Variants in SCAP observed in about 807,000 individuals in gnomAD.
SCAP encodes the protein sterol regulatory element-binding protein cleavage-activating protein.
A neutral mutation model predicts 123.6 loss-of-function variants in SCAP; 65 were observed. The observed-to-expected ratio is 0.53, with a 90% CI of 0.43 to 0.65. SCAP has a LOEUF of 0.65. Among genes scored for constraint, SCAP ranks in the 30% least tolerant of loss-of-function variants. The pLI is 0.00. For synonymous variants in SCAP, 740 were observed against 726.3 expected (o/e 1.02, Z -0.30); for missense variants, 1,398 against 1,712.5 (o/e 0.82, Z 3.24).
chr3:47,423,116 A>G (rs1705979098), intron 9 of SCAP, among the ~76,000 whole-genome samples: 1 of 152,218 alleles, frequency 6.6e-6, no homozygotes, highest in South Asian at 2.1e-4. Flanking sequence ...GGCTTATCAC[A>G]GAGGCTCACA....
chr3:47,457,869 T>C (rs1410624919), intron 1 of SCAP, among the ~76,000 whole-genome samples: 1 of 152,152 alleles, frequency 6.6e-6, no homozygotes, highest in Non-Finnish European at 1.5e-5. Context: ...ATGGCGCCAC[T>C]GCACTCCAGC....
rs1443300586 is a variant in SCAP, at chr3:47,417,652, G to A, written c.2622C>T (p.Thr874=). 1 of 1,609,264 alleles carries A rather than the reference G, an allele frequency of 6.2e-7. No homozygotes were observed. The highest frequency in any genetic ancestry group is 8.5e-7 in the Non-Finnish European group (1 of 1,178,696). Reference sequence around the variant, plus strand: ...CTGAAAAGTTGGTGTCAATTAAGCAGGTGAGGTCAGGCTGGTCCCCGAAGA... The same window carrying A: ...CTGAAAAGTTGGTGTCAATTAAGCAAGTGAGGTCAGGCTGGTCCCCGAAGA... ...PSLFGDQPDL[T]CLIDTNFSAQ... Residue 874 remains threonine (T), a synonymous_variant, in exon 17 of 23, where the codon ACC becomes ACT. Coordinates refer to ENST00000265565, the MANE Select transcript of SCAP (RefSeq NM_012235.4).
At chr3:47,425,670 G>A in intron 7 of SCAP, 59 bp from the exon 8 acceptor site, 1 of 1,584,708 alleles carries the variant, frequency 6.3e-7, no homozygotes, top group Non-Finnish European at 8.6e-7. Context: ...GCCCACTGGG[G>A]CTCCCGGGAG....
chr3:47,417,393 C>A lies in SCAP; in HGVS notation c.2881G>T (p.Ala961Ser), dbSNP rs377731584. Reference sequence around the variant, plus strand: ...GAACCCTCGGCACTGGGGGCCCAGGCGAGGGAAGGGGAGCCTTTCTCGGGG... The same window carrying A: ...GAACCCTCGGCACTGGGGGCCCAGGAGAGGGAAGGGGAGCCTTTCTCGGGG... Reference protein sequence around the residue: ...GSPEKGSPSLAWAPSAEGSIW... With the variant: ...GSPEKGSPSLSWAPSAEGSIW... The change falls in exon 17 of 23, where the codon GCC becomes TCC. Residue 961 changes from alanine (A) to serine (S), a missense_variant. Coordinates refer to ENST00000265565, the MANE Select transcript of SCAP (RefSeq NM_012235.4). The A allele has an allele frequency of 6.3e-7, 1 of 1,593,542 alleles. No homozygotes were observed. Among genetic ancestry groups the A allele is most frequent in the Admixed American group, 1.7e-5 (1 of 57,144 alleles).
chr3:47,422,849 C>G (rs1209608699), intron 9 of SCAP: 1 of 247,526 alleles, frequency 4.0e-6, no homozygotes, highest in Non-Finnish European at 7.7e-6. Context: ...CCAAGTGCCA[C>G]CCACAACAAC....
intron 6 of SCAP, among the ~76,000 whole-genome samples, 186 bp from the exon 7 acceptor site, chr3:47,426,355 G>C (rs1410509738): frequency 1.3e-5 from 2 of 152,190 alleles, no homozygotes; most frequent in African/African-American, 4.8e-5. Context: ...AGGGGACAAA[G>C]TTTTCTCAGG....
Position 47,414,857 on chromosome 3 carries a change from C to T in SCAP, c.3276G>A (p.Leu1092=), listed in dbSNP as rs1387215205. ...GTGTGTGGTCTTGGCTCCCAGTCAC[C>T]AAGCGCCCAGCAGCGGCTTTCAGGG... The part of the protein sequence containing the change: ...ITALKAAAGR[L]VTGSQDHTLR... Residue 1092 remains leucine, a synonymous_variant, in exon 20 of 23, where the codon TTG becomes TTA. Transcript: ENST00000265565. 3 of 1,610,224 alleles carry T rather than the reference C, an allele frequency of 1.9e-6. No individual in the cohort carries two copies. The highest frequency in any genetic ancestry group is 2.5e-6 in the Non-Finnish European group (3 of 1,178,574).
At chr3:47,435,528 G>A (rs1706545233) in intron 2 of SCAP, among the ~76,000 whole-genome samples, 1 of 136,800 alleles carries the variant, frequency 7.3e-6, no homozygotes. Context: ...AGATAGATAG[G>A]CGCCTGCCAC....
At chr3:47,436,315 A>G (rs1706575183) in intron 2 of SCAP, among the ~76,000 whole-genome samples, 1 of 152,210 alleles carries the variant, frequency 6.6e-6, no homozygotes, top group Non-Finnish European at 1.5e-5. Flanking sequence ...TACGCAAGGA[A>G]AAGCCCTGAC....
intron 1 of SCAP, among the ~76,000 whole-genome samples, chr3:47,452,798 A>G (rs1442233527): frequency 6.6e-6 from 1 of 152,114 alleles, no homozygotes; most frequent in Non-Finnish European, 1.5e-5. Context: ...AAACTGGACG[A>G]GCAGGGCAGG....
intron 1 of SCAP, among the ~76,000 whole-genome samples, chr3:47,445,032 A>T (rs1251845705): frequency 6.6e-6 from 1 of 152,046 alleles, no homozygotes; most frequent in Non-Finnish European, 1.5e-5. Flanking sequence ...TCAGCCTCCC[A>T]AAGTGCTGGG....
At chr3:47,431,852 T>G (rs1245799074) in intron 3 of SCAP, among the ~76,000 whole-genome samples, 2 of 152,232 alleles carry the variant, frequency 1.3e-5, no homozygotes, top group Admixed American at 1.3e-4. Context: ...TCATCATGCA[T>G]AGTCCACACT....
At chr3:47,426,263 C>T (rs929935062) in intron 6 of SCAP, 94 bp from the exon 7 acceptor site, 134 of 1,245,956 alleles carry the variant, frequency 1.1e-4, no homozygotes, top group Non-Finnish European at 1.5e-4. Flanking sequence ...CAGGACCTCC[C>T]TCCTGCCCCT....
rs903162732 is a variant in SCAP, at chr3:47,415,159, G to A, written c.3078C>T (p.Asn1026=). ...LDKRIVAARL[N]GSLDFFSLET... ...CCAAGGAGAAGAAATCAAGGGAACCGTTGAGCCGTGCAGCCACAATCCTGG... is the reference window on the plus strand; with the variant it reads ...CCAAGGAGAAGAAATCAAGGGAACCATTGAGCCGTGCAGCCACAATCCTGG... The change falls in exon 19 of 23, where the codon AAC becomes AAT. Residue 1026 remains asparagine (N), a synonymous_variant. Coordinates refer to ENST00000265565, the MANE Select transcript of SCAP (RefSeq NM_012235.4). 16 of 1,612,008 alleles carry A rather than the reference G, an allele frequency of 9.9e-6. No homozygotes were observed. The highest frequency in any genetic ancestry group is 5.3e-5 in the African/African-American group (4 of 74,850).
At chr3:47,423,398 C>T (rs1463427733) in intron 9 of SCAP, among the ~76,000 whole-genome samples, 2 of 152,206 alleles carry the variant, frequency 1.3e-5, no homozygotes, top group Non-Finnish European at 2.9e-5. Flanking sequence ...GCGCTAAACT[C>T]CCCAGACAGA....
chr3:47,468,433 C>T (rs1159888789), intron 1 of SCAP, among the ~76,000 whole-genome samples: 1 of 152,172 alleles, frequency 6.6e-6, no homozygotes, highest in Non-Finnish European at 1.5e-5. Flanking sequence ...GAGGGTATCT[C>T]ATTGTGGTTT....
intron 2 of SCAP, among the ~76,000 whole-genome samples, chr3:47,438,624 G>A (rs1442606706): frequency 1.3e-5 from 2 of 151,988 alleles, no homozygotes; most frequent in Non-Finnish European, 2.9e-5. Flanking sequence ...GACCAGCCTG[G>A]CCAACATGGT....
rs184691942 is a variant in SCAP, at chr3:47,457,188, G to A, written c.-98-14097C>T. 1.4e-4 allele frequency among the ~76,000 whole-genome samples: 21 copies of A among 152,318 alleles called. No homozygotes were observed. In the South Asian group the frequency reaches 2.5e-3, roughly 18 times the overall value. ...CACATGAGAAGTGGCAGCACCAGCA[G>A]CCTCTGGGGAGAGGATCTGGTAGCC... On this transcript the variant is annotated intron_variant, in intron 1 of 22. Transcript: ENST00000265565.
At chr3:47,445,243 CTTTTTTTTTTT>C (rs970206797) in intron 1 of SCAP, among the ~76,000 whole-genome samples, 2 of 111,872 alleles carry the variant, frequency 1.8e-5, no homozygotes, top group Non-Finnish European at 3.8e-5. Context: ...GTTTTCAATT[CTTTTTTTTTTT>C]TTTTTTTTTG....
Sources: allele counts gnomAD v4.1 joint callset (sites outside exome capture counted in the v4.1 genomes callset), GRCh38; gene constraint gnomAD v4.1.1; transcripts MANE v1.5; gene names NCBI Gene and HGNC (gene_info 2026-07-23, HGNC 2026-07-21).